Variants in USP22 observed in about 807,000 individuals in gnomAD.
The protein encoded by USP22 is ubiquitin specific peptidase 22.
In USP22, 22 loss-of-function variants were observed where a neutral mutation model predicts 68.1. That is an observed-to-expected ratio of 0.32 (90% CI 0.23 to 0.46). The LOEUF is 0.46. Among genes scored for constraint, USP22 ranks in the 20% least tolerant of loss-of-function variants. The pLI, the probability that USP22 is intolerant of heterozygous loss-of-function variation, is 1.00. For missense variants in USP22, 433 were observed against 695.8 expected (o/e 0.62, Z 4.25); for synonymous variants, 279 against 274.2 (o/e 1.02, Z -0.17).
intron 6 of USP22, 87 bp from the exon 7 acceptor site, chr17:21,013,022 G>C (rs887342298): frequency 6.3e-6 from 8 of 1,264,918 alleles, no homozygotes; most frequent in African/African-American, 3.0e-5. Context: ...GCAGAAGCCT[G>C]GGGGAGCCAG....
chr17:21,015,521 T>C (rs3816664), intron 6 of USP22: 403,896 of 529,408 alleles, frequency 0.76, 156,313 homozygotes, highest in South Asian at 0.84. Context: ...TGAGGACCTG[T>C]CATACTGCTG....
intron 10 of USP22, among the ~76,000 whole-genome samples, chr17:21,006,122 G>T (rs1367502842): frequency 1.3e-5 from 2 of 152,206 alleles, no homozygotes; most frequent in East Asian, 1.9e-4. Flanking sequence ...CTCTAGAACT[G>T]TGAGGAAATT....
chr17:21,024,105 T>C (rs569417132), intron 2 of USP22, among the ~76,000 whole-genome samples: 1 of 152,266 alleles, frequency 6.6e-6, no homozygotes, highest in African/African-American at 2.4e-5. Flanking sequence ...CCAACAACGA[T>C]GTTAAAATCC....
At chr17:21,014,008 A>C (rs552721389) in intron 6 of USP22, among the ~76,000 whole-genome samples, 2 of 152,360 alleles carry the variant, frequency 1.3e-5, no homozygotes, top group South Asian at 4.1e-4. Context: ...TGGGAGGCGG[A>C]GGTTGCAGTG....
At chr17:21,023,145 A>T (rs1972177771) in intron 2 of USP22, among the ~76,000 whole-genome samples, 1 of 152,126 alleles carries the variant, frequency 6.6e-6, no homozygotes, top group Non-Finnish European at 1.5e-5. Flanking sequence ...CATGGACACA[A>T]GAGGAGAACA....
chr17:21,029,995 C>A (rs1972268508), intron 1 of USP22, among the ~76,000 whole-genome samples: 1 of 152,198 alleles, frequency 6.6e-6, no homozygotes, highest in African/African-American at 2.4e-5. Context: ...AAACAGTCAA[C>A]TGTATTATGT....
chr17:21,042,879 G>T lies in USP22; in HGVS notation c.-44C>A. On this transcript the variant is annotated 5_prime_UTR_variant, in exon 1 of 13. Coordinates refer to ENST00000261497, the MANE Select transcript of USP22 (RefSeq NM_015276.2). ...GCGCGCGGGGGGCGGCGGCGAGGGA[G>T]GCGAGGACGACGCCAGCGCGGCGTG... 8.3e-7 allele frequency: 1 copy of T among 1,211,800 alleles called. No homozygotes were observed. The highest frequency in any genetic ancestry group is 3.3e-5 in the East Asian group (1 of 30,108). The allele number at this position is 1,211,800 out of a possible 1,614,324, so 75.1% of individuals were successfully genotyped here. A position where few individuals can be genotyped will look rare whatever the true frequency, so the allele number is the denominator to read the frequency against.
intron 1 of USP22, among the ~76,000 whole-genome samples, chr17:21,036,131 G>C (rs1232044363): frequency 6.7e-6 from 1 of 150,222 alleles, no homozygotes; most frequent in African/African-American, 2.5e-5. Context: ...AAAGGCTACA[G>C]ACTGTATGAA....
intron 1 of USP22, among the ~76,000 whole-genome samples, chr17:21,033,446 T>C (rs1972316516): frequency 6.6e-6 from 1 of 152,118 alleles, no homozygotes. Flanking sequence ...TGTCCTCTTA[T>C]CTCCCCACTC....
rs1316083638 is a variant in USP22 at position 21,008,295 on chromosome 17, TCACA to T, written c.1104-303_1104-300del. On this transcript the variant is annotated intron_variant, in intron 8 of 12. Coordinates refer to ENST00000261497, the MANE Select transcript of USP22 (RefSeq NM_015276.2). ...GAGCCAGAGAAATGAAAACTAATGT[TCACA>T]CACAAACTGTCCACAAATGTGCACC... 7.2e-5 allele frequency among the ~76,000 whole-genome samples: 11 copies of T among 152,246 alleles called. 1 individual carries two copies. In the South Asian group the frequency reaches 1.9e-3, roughly 26 times the overall value.
chr17:21,014,926 G>A (rs1914083348), intron 6 of USP22, among the ~76,000 whole-genome samples: 1 of 152,158 alleles, frequency 6.6e-6, no homozygotes, highest in Admixed American at 6.5e-5. Flanking sequence ...TAAGAGTGAA[G>A]AAGCCCCTGC....
At chr17:21,013,945 G>A (rs1186419236) in intron 6 of USP22, among the ~76,000 whole-genome samples, 1 of 152,226 alleles carries the variant, frequency 6.6e-6, no homozygotes, top group African/African-American at 2.4e-5. Flanking sequence ...ATGGTGGCGG[G>A]CGCCTGTAGT....
At position 21,003,313 on chromosome 17, in the gene USP22, C is replaced by A. The variant is rs146877301; in HGVS notation, c.1536-240G>T. On this transcript the variant is annotated intron_variant, in intron 12 of 12. Transcript: ENST00000261497. ...CCACCTGCCACGAGGTCACCCATTG[C>A]CTCACCCAACCTCCCACAGCCTCTC... Among the ~76,000 whole-genome samples, 383 of 152,314 alleles carry A rather than the reference C, an allele frequency of 2.5e-3. 1 individual carries two copies. The highest frequency in any genetic ancestry group is 9.0e-3 in the African/African-American group (374 of 41,570).
At chr17:21,006,332 T>G (rs1231771025) in intron 10 of USP22, among the ~76,000 whole-genome samples, 1 of 152,176 alleles carries the variant, frequency 6.6e-6, no homozygotes, top group Non-Finnish European at 1.5e-5. Flanking sequence ...TGTTGCCTTC[T>G]CGCTGTGATC....
chr17:21,013,584 G>A (rs1316565589), intron 6 of USP22, among the ~76,000 whole-genome samples: 1 of 152,248 alleles, frequency 6.6e-6, no homozygotes, highest in Non-Finnish European at 1.5e-5. Flanking sequence ...AGACAGTGGG[G>A]ACAGGGCACG....
In USP22 at chr17:21,028,584, T is replaced by G. The variant is rs1001408350; in HGVS notation, c.262A>C (p.Lys88Gln). The change falls in exon 2 of 13, where the codon AAG (lysine) becomes CAG (glutamine). Residue 88 changes from lysine to glutamine, a missense_variant. By Grantham distance (53) the Lys-to-Gln change is moderately conservative. This residue lies in a region of USP22 where 144 missense variants were observed against 237.2 expected (regional missense o/e 0.61). Transcript: ENST00000261497. ...YCVFFGCFTK[K>Q]HIHEHAKAKR... ...GCCTTCGCATGCTCGTGAATATGCT[T>G]CTTTGTGAAACAGCCGAAGAAGACA... 6.2e-7 allele frequency: 1 copy of G among 1,613,888 alleles called. No homozygotes were observed. The highest frequency in any genetic ancestry group is 1.3e-5 in the African/African-American group (1 of 74,862).
At chr17:21,007,669 C>T (rs903568480) in intron 9 of USP22, among the ~76,000 whole-genome samples, 1 of 152,200 alleles carries the variant, frequency 6.6e-6, no homozygotes, top group Admixed American at 6.5e-5. Context: ...TGCGAAGCCA[C>T]TGATTTTGTT....
intron 3 of USP22, among the ~76,000 whole-genome samples, 156 bp downstream of exon 3, chr17:21,020,957 T>A (rs899341): frequency 5.9e-5 from 9 of 152,012 alleles, no homozygotes; most frequent in Non-Finnish European, 8.8e-5. Context: ...GAGCTTCAGC[T>A]GACTCCACTG....
chr17:21,016,039 A>C, intron 5 of USP22, 140 bp from the exon 6 acceptor site: 1 of 1,178,054 alleles, frequency 8.5e-7, no homozygotes, highest in Non-Finnish European at 1.1e-6. Context: ...TTACTTTTCT[A>C]CTTTTTGCAA....
Sources: gnomAD v4.1 joint callset for allele counts (sites outside exome capture counted in the v4.1 genomes callset) on GRCh38, gnomAD v4.1.1 for gene constraint, gnomAD v4.1.1 regional missense constraint, MANE v1.5 for transcripts, NCBI Gene and HGNC (gene_info 2026-07-23, HGNC 2026-07-21) for gene names.